The following RSBN1 variants were observed in gnomAD, a reference collection of about 807,000 sequenced individuals.
RSBN1 encodes round spermatid basic protein 1.
RSBN1 carries 23 observed loss-of-function variants against 74.8 expected under a neutral mutation model. The ratio of observed to expected loss-of-function variants is 0.31; its 90% CI spans 0.22 to 0.44. The LOEUF (loss-of-function observed/expected upper bound fraction) is 0.44, where lower values mean the gene tolerates loss of function less well. RSBN1 is among the 20% of genes least tolerant of loss of function. RSBN1 has a pLI of 1.00. For synonymous variants in RSBN1, 407 were observed against 379.6 expected (o/e 1.07, Z -0.84); for missense variants, 808 against 1,020.9 (o/e 0.79, Z 2.84).
At chr1:113,783,173 A>G (rs976878223) in intron 2 of RSBN1, among the ~76,000 whole-genome samples, 17 of 152,144 alleles carry the variant, frequency 1.1e-4, no homozygotes, top group African/African-American at 3.1e-4. Context: ...TCAATATTAT[A>G]TATCTGTAAT....
chr1:113,767,822 C>G (rs923585857), intron 5 of RSBN1: 1 of 159,338 alleles, frequency 6.3e-6, no homozygotes, highest in Non-Finnish European at 1.4e-5. Context: ...ACCCTTGCTA[C>G]AACACGGATG....
intron 1 of RSBN1, among the ~76,000 whole-genome samples, chr1:113,805,180 A>G (rs1307597791): frequency 1.3e-5 from 2 of 151,794 alleles, no homozygotes; most frequent in African/African-American, 2.4e-5. Flanking sequence ...CAAGTGGCGC[A>G]ATCTCAGCTC....
chr1:113,790,657 C>T (rs1233586158), intron 2 of RSBN1, among the ~76,000 whole-genome samples: 1 of 152,148 alleles, frequency 6.6e-6, no homozygotes, highest in Non-Finnish European at 1.5e-5. Context: ...CCAATCAAAA[C>T]ATGATTTTTT....
chr1:113,812,293 T>C lies in RSBN1; in HGVS notation c.120A>G (p.Pro40=), dbSNP rs1157424348. Residue 40 remains proline (P), a synonymous_variant, in exon 1 of 7, where the codon CCA becomes CCG. Transcript: ENST00000261441. ...TTTCACCCACAAACACACATTTAAA[T>C]GGCCCGACCGCCCCCCCGTCCGCGC... ...ARCADGGAVG[P]FKCVFVGEMA... 2.5e-6 allele frequency: 4 copies of C among 1,604,494 alleles called. No homozygotes were observed. Among genetic ancestry groups the C allele is most frequent in the Non-Finnish European group, 3.4e-6 (4 of 1,179,788 alleles).
intron 2 of RSBN1, among the ~76,000 whole-genome samples, chr1:113,793,382 C>T (rs796865368): frequency 4.6e-5 from 7 of 152,308 alleles, no homozygotes; most frequent in African/African-American, 1.7e-4. Context: ...TACCACTTTC[C>T]CATCCTTACT....
Position 113,811,993 on chromosome 1 carries a change from A to T in RSBN1, c.420T>A (p.Pro140=), listed in dbSNP as rs763454304. The T allele has an allele frequency of 1.3e-6, 2 of 1,556,628 alleles. No homozygotes were observed. The highest frequency in any genetic ancestry group is 4.7e-5 in the East Asian group (2 of 42,806). The change falls in exon 1 of 7, where the codon CCT becomes CCA. Residue 140 remains proline (P), a synonymous_variant. Coordinates refer to ENST00000261441, the MANE Select transcript of RSBN1 (RefSeq NM_018364.5). ...AAPTVPGPVE[P]LLLPPPPPPS... The stretch of plus-strand genomic sequence containing the variant: ...GTGGCGGCGGAGGCGGCAGGAGAAG[A>T]GGCTCAACAGGGCCTGGGACAGTTG...
In RSBN1 at chr1:113,766,337, A is replaced by G; in HGVS notation, c.2052T>C (p.His684=). ...DIYFIPRNVI[H]QFKTVSAVCS... ...ACACCGCCGAAACTGTTTTGAACTG[A>G]TGAATGACATTTCTAGGGATGAAGT... The change falls in exon 7 of 7, where the codon CAT becomes CAC. Residue 684 remains histidine (H), a synonymous_variant. Transcript: ENST00000261441. 6.2e-7 allele frequency: 1 copy of G among 1,614,094 alleles called. No homozygotes were observed. Among genetic ancestry groups the G allele is most frequent in the Non-Finnish European group, 8.5e-7 (1 of 1,179,928 alleles).
In RSBN1 at chr1:113,767,086, C is replaced by A; in HGVS notation, c.1935+13G>T. On this transcript the variant is annotated intron_variant, in intron 6 of 6. Coordinates refer to ENST00000261441, the MANE Select transcript of RSBN1 (RefSeq NM_018364.5). ...TCTAATATCGCAAATGGTGATAAAA[C>A]ATAAGTTATTACCTGGGAAACTGGA... is the stretch of plus-strand genomic sequence containing the variant. The A allele has an allele frequency of 6.8e-7, 1 of 1,462,454 alleles. No individual in the cohort carries two copies. The highest frequency in any genetic ancestry group is 9.5e-7 in the Non-Finnish European group (1 of 1,052,634). 90.6% of individuals were successfully genotyped at this position (1,462,454 alleles called of 1,614,324 possible).
chr1:113,776,797 T>A, intron 4 of RSBN1, among the ~76,000 whole-genome samples: 1 of 125,590 alleles, frequency 8.0e-6, no homozygotes, highest in African/African-American at 3.2e-5. Flanking sequence ...GGCAACAGAG[T>A]GAGACCCTAT....
chr1:113,785,135 T>TA (rs398103195), intron 2 of RSBN1, among the ~76,000 whole-genome samples: 1 of 152,018 alleles, frequency 6.6e-6, no homozygotes, highest in Non-Finnish European at 1.5e-5. Flanking sequence ...CTTTTTTTTT[T>TA]ACTTTTTTTA....
intron 4 of RSBN1, 102 bp from the exon 5 acceptor site, chr1:113,768,491 A>G: frequency 1.3e-6 from 1 of 759,930 alleles, no homozygotes; most frequent in Admixed American, 2.8e-5. Flanking sequence ...CTAAAATACC[A>G]GATTTAAATA....
At chr1:113,785,196 T>C (rs1159922338) in intron 2 of RSBN1, among the ~76,000 whole-genome samples, 1 of 152,170 alleles carries the variant, frequency 6.6e-6, no homozygotes, top group Non-Finnish European at 1.5e-5. Flanking sequence ...GGCCTATGCC[T>C]ACAACAGGGT....
chr1:113,792,645 A>T (rs1229105113), intron 2 of RSBN1, among the ~76,000 whole-genome samples: 1 of 152,220 alleles, frequency 6.6e-6, no homozygotes, highest in African/African-American at 2.4e-5. Flanking sequence ...GAACAAGTTG[A>T]GTTCCACCAC....
In RSBN1 at chr1:113,797,486, C is replaced by T. The variant is rs769467887; in HGVS notation, c.1254G>A (p.Ala418=). 3.1e-6 allele frequency: 5 copies of T among 1,613,872 alleles called. No homozygotes were observed. Among genetic ancestry groups the T allele is most frequent in the Middle Eastern group, 1.6e-4 (1 of 6,084 alleles). Residue 418 remains alanine, a synonymous_variant, in exon 2 of 7, where the codon GCG becomes GCA. Transcript: ENST00000261441. The stretch of plus-strand genomic sequence containing the variant: ...CCAAGAAGTCTGGGAGATAAGCAGC[C>T]GCTCCATGCACTATTGCTAAAGCAT... The part of the protein sequence containing the change: ...AYYALAIVHG[A]AAYLPDFLDY...
chr1:113,802,549 A>T (rs1331419942), intron 1 of RSBN1, among the ~76,000 whole-genome samples: 1 of 152,148 alleles, frequency 6.6e-6, no homozygotes, highest in African/African-American at 2.4e-5. Context: ...TTTGTGAATC[A>T]TTGTATGTTT....
rs755048256 is a variant in RSBN1, at chr1:113,765,383, A to G, written c.*597T>C. ...TTTAAATAACAGATACAAAAAAAAG[A>G]CAGTTTGGATCAGAAAGTGCTGTGC... On this transcript the variant is annotated 3_prime_UTR_variant, in exon 7 of 7. Coordinates refer to ENST00000261441, the MANE Select transcript of RSBN1 (RefSeq NM_018364.5). The G allele has an allele frequency of 6.6e-6, 1 of 152,382 alleles. No homozygotes were observed. The highest frequency in any genetic ancestry group is 1.5e-5 in the Non-Finnish European group (1 of 68,064). 9.4% of individuals were successfully genotyped at this position (152,382 alleles called of 1,614,324 possible).
At chr1:113,789,210 G>A (rs995935045) in intron 2 of RSBN1, among the ~76,000 whole-genome samples, 8 of 152,176 alleles carry the variant, frequency 5.3e-5, no homozygotes, top group Admixed American at 2.6e-4. Flanking sequence ...GACCACCAAC[G>A]GCCACTGGCT....
intron 2 of RSBN1, among the ~76,000 whole-genome samples, chr1:113,796,831 A>C (rs1660482207): frequency 6.6e-6 from 1 of 152,224 alleles, no homozygotes; most frequent in Non-Finnish European, 1.5e-5. Flanking sequence ...AAATGTCTTC[A>C]CCTACAACAA....
chr1:113,771,471 G>A (rs1183296788), intron 4 of RSBN1, among the ~76,000 whole-genome samples: 1 of 151,730 alleles, frequency 6.6e-6, no homozygotes, highest in African/African-American at 2.4e-5. Context: ...GCCTTCTATA[G>A]GCAGAACACA....
Sources: allele counts gnomAD v4.1 joint callset (sites outside exome capture counted in the v4.1 genomes callset), GRCh38; gene constraint gnomAD v4.1.1; transcripts MANE v1.5; gene names NCBI Gene and HGNC (gene_info 2026-07-23, HGNC 2026-07-21).